Variants in PPP2R3A observed in about 807,000 individuals in gnomAD.
The protein encoded by PPP2R3A is protein phosphatase 2 regulatory subunit B''alpha, also known as serine/threonine-protein phosphatase 2A regulatory subunit B'' subunit alpha.
PPP2R3A carries 80 observed loss-of-function variants against 106.9 expected under a neutral mutation model. The ratio of observed to expected loss-of-function variants is 0.75; its 90% CI spans 0.62 to 0.90. The LOEUF is 0.90. PPP2R3A is among the 40% of genes least tolerant of loss of function. The probability of loss-of-function intolerance (pLI) is 0.00; values close to 1 mark genes in which losing one functional copy is unlikely to be tolerated. For synonymous variants in PPP2R3A, 483 were observed against 468.3 expected (o/e 1.03, Z -0.41); for missense variants, 1,386 against 1,350.4 (o/e 1.03, Z -0.41).
chr3:136,045,002 A>G (rs1935423776), intron 4 of PPP2R3A, among the ~76,000 whole-genome samples: 1 of 152,204 alleles, frequency 6.6e-6, no homozygotes, highest in Admixed American at 6.5e-5. Context: ...ACACAACCAT[A>G]GGCACCTATC....
At chr3:135,996,355 TTTC>T (rs1933396554) in intron 1 of PPP2R3A, among the ~76,000 whole-genome samples, 1 of 152,202 alleles carries the variant, frequency 6.6e-6, no homozygotes, top group African/African-American at 2.4e-5. Flanking sequence ...ACTTTGAAGT[TTTC>T]TTGTCTTCAC....
chr3:136,007,657 C>T (rs1409711916), intron 2 of PPP2R3A, among the ~76,000 whole-genome samples: 1 of 152,136 alleles, frequency 6.6e-6, no homozygotes, highest in Non-Finnish European at 1.5e-5. Context: ...GGTGCTTTCT[C>T]GATCACCATT....
intron 13 of PPP2R3A, among the ~76,000 whole-genome samples, chr3:136,115,240 A>G (rs995849015): frequency 1.3e-5 from 2 of 152,112 alleles, no homozygotes; most frequent in Non-Finnish European, 2.9e-5. Context: ...ACCCCATCCA[A>G]AGGTCACCAA....
chr3:135,988,770 A>G (rs1933032284), intron 1 of PPP2R3A, among the ~76,000 whole-genome samples: 3 of 152,132 alleles, frequency 2.0e-5, no homozygotes, highest in Non-Finnish European at 4.4e-5. Context: ...CATGGTATTA[A>G]TTTATTTCTC....
intron 2 of PPP2R3A, among the ~76,000 whole-genome samples, chr3:136,023,707 T>C (rs574998464): frequency 3.3e-5 from 5 of 151,604 alleles, no homozygotes; most frequent in African/African-American, 1.2e-4. Context: ...ATATAGACAA[T>C]TGTGTATGTG....
intron 4 of PPP2R3A, among the ~76,000 whole-genome samples, chr3:136,044,449 T>G (rs544933840): frequency 2.4e-4 from 36 of 151,946 alleles, no homozygotes; most frequent in African/African-American, 8.0e-4. Context: ...CCATGTGTGC[T>G]GGCTTGCACC....
intron 13 of PPP2R3A, among the ~76,000 whole-genome samples, chr3:136,122,980 T>G (rs1315286042): frequency 1.3e-5 from 2 of 152,192 alleles, no homozygotes; most frequent in Non-Finnish European, 2.9e-5. Flanking sequence ...GAAAAAATCT[T>G]AAAACTAAGC....
chr3:136,048,957 A>C (rs1169855441), intron 4 of PPP2R3A, among the ~76,000 whole-genome samples: 1 of 151,998 alleles, frequency 6.6e-6, no homozygotes, highest in Admixed American at 6.6e-5. Context: ...TGGAGTCCTG[A>C]GGAATGTTTC....
At chr3:136,091,114 A>T (rs1173147435) in intron 10 of PPP2R3A, among the ~76,000 whole-genome samples, 1 of 152,170 alleles carries the variant, frequency 6.6e-6, no homozygotes, top group Non-Finnish European at 1.5e-5. Context: ...ACATAGCTTG[A>T]TTGGAGTTAT....
chr3:136,085,694 T>C (rs1202918194), intron 8 of PPP2R3A, among the ~76,000 whole-genome samples: 2 of 152,252 alleles, frequency 1.3e-5, no homozygotes, highest in South Asian at 2.1e-4. Context: ...AATGATACTT[T>C]AGCTTATTAG....
chr3:136,025,356 G>A (rs1467881696), intron 2 of PPP2R3A, among the ~76,000 whole-genome samples: 1 of 151,888 alleles, frequency 6.6e-6, no homozygotes, highest in Non-Finnish European at 1.5e-5. Flanking sequence ...TTTCTTCCTT[G>A]ACTATTGCTT....
chr3:136,063,429 T>A (rs1397975270), intron 5 of PPP2R3A, among the ~76,000 whole-genome samples: 1 of 152,122 alleles, frequency 6.6e-6, no homozygotes, highest in Non-Finnish European at 1.5e-5. Context: ...AATGGGATCT[T>A]TTTAAAGTAA....
intron 1 of PPP2R3A, among the ~76,000 whole-genome samples, chr3:135,970,196 C>T (rs1937204591): frequency 6.6e-6 from 1 of 152,180 alleles, no homozygotes; most frequent in Admixed American, 6.5e-5. Flanking sequence ...GAAAAAAGGG[C>T]TCAGGCCCAG....
intron 13 of PPP2R3A, among the ~76,000 whole-genome samples, chr3:136,114,120 C>T (rs1937648697): frequency 6.6e-6 from 1 of 152,068 alleles, no homozygotes; most frequent in African/African-American, 2.4e-5. Flanking sequence ...GGAGGGTGAC[C>T]CGAAGCAGGG....
chr3:135,994,803 T>C (rs1364322023), intron 1 of PPP2R3A, among the ~76,000 whole-genome samples: 1 of 152,196 alleles, frequency 6.6e-6, no homozygotes, highest in African/African-American at 2.4e-5. Flanking sequence ...TCTCTGTGCC[T>C]TCATAGAATT....
intron 8 of PPP2R3A, among the ~76,000 whole-genome samples, chr3:136,086,781 C>A (rs1354935140): frequency 6.6e-6 from 1 of 152,142 alleles, no homozygotes; most frequent in Non-Finnish European, 1.5e-5. Context: ...TTGGCCAAAC[C>A]AATTTACCTT....
chr3:136,032,336 G>A (rs759514930), intron 3 of PPP2R3A, among the ~76,000 whole-genome samples: 3 of 151,958 alleles, frequency 2.0e-5, no homozygotes, highest in Non-Finnish European at 4.4e-5. Flanking sequence ...CAGCTTGCTC[G>A]TTGTTGGTGT....
intron 2 of PPP2R3A, among the ~76,000 whole-genome samples, chr3:136,004,121 C>T (rs1006638090): frequency 4.6e-5 from 7 of 152,188 alleles, no homozygotes; most frequent in African/African-American, 1.4e-4. Flanking sequence ...ATTTGATTCT[C>T]CAGGCAACTG....
intron 13 of PPP2R3A, among the ~76,000 whole-genome samples, chr3:136,120,452 G>A (rs1170889125): frequency 6.6e-6 from 1 of 152,062 alleles, no homozygotes; most frequent in African/African-American, 2.4e-5. Context: ...GCCGGGCAGG[G>A]TGGTGTGCGC....
Sources: allele counts gnomAD v4.1 joint callset (sites outside exome capture counted in the v4.1 genomes callset), GRCh38; gene constraint gnomAD v4.1.1; transcripts MANE v1.5; gene names NCBI Gene and HGNC (gene_info 2026-07-23, HGNC 2026-07-21).